The following PRRG1 variants were observed in gnomAD, a reference collection of about 807,000 sequenced individuals.
The protein encoded by PRRG1 is transmembrane gamma-carboxyglutamic acid protein 1.
Under a neutral mutation model 11.8 loss-of-function variants are expected in PRRG1, and 5 were observed. That is an observed-to-expected ratio of 0.42 (90% CI 0.22 to 0.89). The LOEUF is 0.89. Ranked by LOEUF, PRRG1 falls within the 40% of genes least tolerant of loss-of-function variation. The pLI is 0.28. For synonymous variants in PRRG1, 66 were observed against 60.4 expected (o/e 1.09, Z -0.43); for missense variants, 155 against 166.1 (o/e 0.93, Z 0.37).
intron 2 of PRRG1, among the ~76,000 whole-genome samples, chrX:37,415,483 A>G (rs931481819): frequency 3.6e-5 from 4 of 112,486 alleles, no homozygotes; most frequent in African/African-American, 9.7e-5. Context: ...ATGAGATTCC[A>G]GAATTCTACA....
At chrX:37,430,683 T>A (rs1556389921) in intron 3 of PRRG1, among the ~76,000 whole-genome samples, 1 of 111,608 alleles carries the variant, frequency 9.0e-6, no homozygotes, top group Non-Finnish European at 1.9e-5. Context: ...AGATAATACA[T>A]TGAGGTCCCA....
At chrX:37,350,740 G>A (rs145498974) in intron 1 of PRRG1, among the ~76,000 whole-genome samples, 1,569 of 111,066 alleles carry the variant, frequency 0.014, 14 homozygotes, top group Non-Finnish European at 0.018. Flanking sequence ...TCCCTCGATT[G>A]TAAATCCCGT....
chrX:37,381,417 C>T (rs781787151), intron 1 of PRRG1, among the ~76,000 whole-genome samples: 1 of 111,843 alleles, frequency 8.9e-6, no homozygotes, highest in Admixed American at 9.5e-5. Flanking sequence ...TACATTTCTT[C>T]TTTTGAGGAC....
Position 37,453,190 on chromosome X carries a change from A to G in PRRG1, c.226A>G (p.Ser76Gly), listed in dbSNP as rs1159698026. 1.7e-6 allele frequency: 2 copies of G among 1,206,772 alleles called. No individual in the cohort carries two copies. The highest frequency in any genetic ancestry group is 2.2e-6 in the Non-Finnish European group (2 of 892,529). ...GCAACAAGGGGAGAGTAACCGAGGA[A>G]GTGACTGGTTTCAGTTTTACCTTAC... ...KAQQGESNRG[S>G]DWFQFYLTFP... Residue 76 changes from serine to glycine, a missense_variant, in exon 4 of 4, where the codon AGT (serine) becomes GGT (glycine). Coordinates refer to ENST00000378628, the MANE Select transcript of PRRG1 (RefSeq NM_001142395.2).
At chrX:37,376,497 G>T (rs1930945419) in intron 1 of PRRG1, among the ~76,000 whole-genome samples, 1 of 84,141 alleles carries the variant, frequency 1.2e-5, no homozygotes, top group African/African-American at 4.2e-5. Flanking sequence ...TGGATGGGCT[G>T]CTGAAAGTCT....
In PRRG1 at chrX:37,405,892, T is replaced by C. The variant is rs782203243; in HGVS notation, c.-41-317T>C. 5.4e-5 allele frequency among the ~76,000 whole-genome samples: 6 copies of C among 111,999 alleles called. No homozygotes were observed. In the South Asian group the frequency reaches 2.3e-3, roughly 42 times the overall value. On this transcript the variant is annotated intron_variant, in intron 1 of 3. Transcript: ENST00000378628. The stretch of plus-strand genomic sequence containing the variant: ...TTGGGATTTTTGTCTGCCATTTTTG[T>C]TGATACTGCTGTTTTCTGAAGAGAT...
chrX:37,449,141 ACT>A (rs1569450264), intron 3 of PRRG1, among the ~76,000 whole-genome samples: 1 of 111,011 alleles, frequency 9.0e-6, no homozygotes, highest in African/African-American at 3.3e-5. Flanking sequence ...TCTGCCTTCT[ACT>A]CTCAACAAGG....
intron 3 of PRRG1, 50 bp downstream of exon 3, chrX:37,426,050 A>G (rs782245730): frequency 2.7e-6 from 3 of 1,097,853 alleles, no homozygotes; most frequent in South Asian, 2.3e-5. Flanking sequence ...TACCTTTTTG[A>G]TGTATATTTG....
At chrX:37,432,278 G>A (rs782538120) in intron 3 of PRRG1, among the ~76,000 whole-genome samples, 6 of 103,800 alleles carry the variant, frequency 5.8e-5, no homozygotes, top group South Asian at 4.3e-4. Context: ...TAGTAGAGAC[G>A]GCTTTCACCC....
chrX:37,441,064 C>T (rs1476365475), intron 3 of PRRG1: 21 of 947,164 alleles, frequency 2.2e-5, no homozygotes, highest in Non-Finnish European at 2.6e-5. Flanking sequence ...GACACCATGC[C>T]CGGCCATCTA....
At chrX:37,367,243 A>G (rs1930602094) in intron 1 of PRRG1, among the ~76,000 whole-genome samples, 1 of 112,520 alleles carries the variant, frequency 8.9e-6, no homozygotes, top group Non-Finnish European at 1.9e-5. Context: ...CTTTTCTAAT[A>G]TAGGCATTTA....
At chrX:37,362,451 C>T (rs1234113619) in intron 1 of PRRG1, among the ~76,000 whole-genome samples, 1 of 110,070 alleles carries the variant, frequency 9.1e-6, no homozygotes, top group Non-Finnish European at 1.9e-5. Context: ...CAAGTCTGCC[C>T]ATCCACAGAT....
intron 2 of PRRG1, among the ~76,000 whole-genome samples, chrX:37,417,994 T>A: frequency 8.9e-6 from 1 of 112,148 alleles, no homozygotes; most frequent in Non-Finnish European, 1.9e-5. Flanking sequence ...TCCCACTTCC[T>A]GAAATTCTTT....
intron 1 of PRRG1, among the ~76,000 whole-genome samples, chrX:37,403,073 G>A (rs1359407620): frequency 9.2e-6 from 1 of 109,171 alleles, no homozygotes; most frequent in African/African-American, 3.3e-5. Flanking sequence ...TCAGTGTGGC[G>A]ATTCCTCAGG....
In PRRG1 at chrX:37,416,687, G is replaced by A. The variant is rs191433517; in HGVS notation, c.11-9153G>A. 2.7e-5 allele frequency among the ~76,000 whole-genome samples: 3 copies of A among 111,812 alleles called. No homozygotes were observed. In the East Asian group the frequency reaches 8.4e-4, roughly 31 times the overall value. On this transcript the variant is annotated intron_variant, in intron 2 of 3. Transcript: ENST00000378628. ...TAATTCCATATTTGTTTGTTTCTTG[G>A]GAGCAAGGCATTGCTCTTGGTTCAG...
intron 2 of PRRG1, among the ~76,000 whole-genome samples, chrX:37,414,883 ACTCT>A (rs1265526280): frequency 8.9e-6 from 1 of 111,963 alleles, no homozygotes; most frequent in South Asian, 3.7e-4. Context: ...CAAATCATTC[ACTCT>A]CTATTTCATG....
intron 2 of PRRG1, among the ~76,000 whole-genome samples, chrX:37,417,540 G>T (rs1002908111): frequency 9.0e-6 from 1 of 111,683 alleles, no homozygotes; most frequent in African/African-American, 3.2e-5. Context: ...TTGGGACATT[G>T]TACATATTTC....
At chrX:37,405,094 T>C (rs1468742709) in intron 1 of PRRG1, among the ~76,000 whole-genome samples, 4 of 112,265 alleles carry the variant, frequency 3.6e-5, no homozygotes, top group African/African-American at 1.3e-4. Flanking sequence ...ATTAAGTCGG[T>C]ATTTCCTACA....
intron 3 of PRRG1, among the ~76,000 whole-genome samples, chrX:37,440,406 A>G (rs1317618649): frequency 8.9e-6 from 1 of 112,072 alleles, no homozygotes; most frequent in African/African-American, 3.2e-5. Flanking sequence ...TTATCTGGGA[A>G]GTGGCAATCT....
Sources: gnomAD v4.1 joint callset for allele counts (sites outside exome capture counted in the v4.1 genomes callset) on GRCh38, gnomAD v4.1.1 for gene constraint, MANE v1.5 for transcripts, NCBI Gene and HGNC (gene_info 2026-07-23, HGNC 2026-07-21) for gene names.